POFUT2: variants seen among roughly 807,000 people sequenced by gnomAD.
POFUT2 encodes GDP-fucose protein O-fucosyltransferase 2.
A neutral mutation model predicts 55.0 loss-of-function variants in POFUT2; 30 were observed. The ratio of observed to expected loss-of-function variants is 0.55; its 90% confidence interval spans 0.41 to 0.74. POFUT2 has a LOEUF of 0.74. Among genes scored for constraint, POFUT2 ranks in the 30% least tolerant of loss-of-function variants. The pLI, the probability that POFUT2 is intolerant of heterozygous loss-of-function variation, is 0.00. For synonymous variants in POFUT2, 267 were observed against 231.1 expected, an observed-to-expected ratio of 1.16 and a Z score of -1.41; for missense variants, 524 against 562.6, an observed-to-expected ratio of 0.93 and a Z score of 0.69.
chr21:45,283,755 A>G (rs2031055028), intron 2 of POFUT2, among the ~76,000 whole-genome samples: 1 of 152,040 alleles, frequency 6.6e-6, no homozygotes, highest in East Asian at 1.9e-4. Context: ...CTGGTACCCG[A>G]TTCCCCGGCC....
chr21:45,278,303 C>T (rs148092522), intron 4 of POFUT2, 134 bp from the exon 5 acceptor site: 14 of 771,546 alleles, frequency 1.8e-5, no homozygotes, highest in East Asian at 1.2e-4. Flanking sequence ...CTAACCAGGG[C>T]GCGTTGGGTG....
At chr21:45,271,611 A>G (rs888153428) in intron 6 of POFUT2, among the ~76,000 whole-genome samples, 2 of 152,228 alleles carry the variant, frequency 1.3e-5, no homozygotes, top group African/African-American at 4.8e-5. Flanking sequence ...GGTTATCTAA[A>G]GTCAAGATGA....
rs912978272 is a variant in POFUT2 at position 45,267,054 on chromosome 21, G to A, written c.1136+536C>T. On this transcript the variant is annotated intron_variant, in intron 8 of 8. Coordinates refer to ENST00000349485, the MANE Select transcript of POFUT2 (RefSeq NM_133635.6). This position sits in a 1 kb window ranked among gnomAD's most constrained non-coding sequence, Gnocchi z 4.4. ...GGCAGCCCCACGAGAATGATCACAC[G>A]AGGGCCCACGCTCCCGGCCTCGGGG... 27 of 1,097,148 alleles carry A rather than the reference G, an allele frequency of 2.5e-5. No individual in the cohort carries two copies. The African/African-American group carries it at 2.5e-4, about 10-fold the overall frequency. 68.0% of individuals were successfully genotyped at this position (1,097,148 alleles called of 1,614,324 possible). A position where few individuals can be genotyped will look rare whatever the true frequency, so the allele number is the denominator to read the frequency against.
chr21:45,269,597 G>C (rs575143418), intron 7 of POFUT2, among the ~76,000 whole-genome samples: 142 of 151,700 alleles, frequency 9.4e-4, no homozygotes, highest in African/African-American at 2.2e-3. Context: ...CAGCATGCTC[G>C]TTAAGAGTCA....
chr21:45,285,390 GGCC>G lies in POFUT2; in HGVS notation c.382+285_382+287del. On this transcript the variant is annotated intron_variant, in intron 2 of 8. Transcript: ENST00000349485. This position sits in a 1 kb window ranked among gnomAD's most constrained non-coding sequence, Gnocchi z 4.9. ...TCCTGTCACTATAACACCCAGGGGT[GGCC>G]GCTTTCTTAGGGTGTAAGGGCGGCT... 2.3e-6 allele frequency: 1 copy of G among 427,268 alleles called. No homozygotes were observed. Among genetic ancestry groups the G allele is most frequent in the East Asian group, 5.1e-5 (1 of 19,460 alleles). 26.5% of individuals were successfully genotyped at this position (427,268 alleles called of 1,614,324 possible).
At chr21:45,286,357 T>C (rs2031406704) in intron 1 of POFUT2, among the ~76,000 whole-genome samples, 1 of 152,202 alleles carries the variant, frequency 6.6e-6, no homozygotes, top group Non-Finnish European at 1.5e-5. Flanking sequence ...CCATTACATG[T>C]TAACAAAAAC....
At position 45,281,083 on chromosome 21, in the gene POFUT2, G is replaced by A. The variant is rs1302567044; in HGVS notation, c.638+1266C>T. On this transcript the variant is annotated intron_variant, in intron 4 of 8. Coordinates refer to ENST00000349485, the MANE Select transcript of POFUT2 (RefSeq NM_133635.6). This position sits in a 1 kb window ranked among gnomAD's most constrained non-coding sequence, Gnocchi z 5.0. ...CCTTCCCATTAGGGCTTTAACCCCC[G>A]GAAGAGACTTTCCCTGGGTGCTGGG... Among the ~76,000 whole-genome samples the A allele has an allele frequency of 4.6e-5, 7 of 152,110 alleles. No individual in the cohort carries two copies. The highest frequency in any genetic ancestry group is 2.1e-4 in the South Asian group (1 of 4,824).
chr21:45,283,712 G>A (rs1046298979), intron 2 of POFUT2, among the ~76,000 whole-genome samples, 185 bp from the exon 3 acceptor site: 7 of 152,166 alleles, frequency 4.6e-5, no homozygotes, highest in South Asian at 2.1e-4. Context: ...GGCCATCAGC[G>A]TGCAACTGCA....
chr21:45,265,388 G>T lies in POFUT2; in HGVS notation c.*94C>A. 1.7e-6 allele frequency: 2 copies of T among 1,199,716 alleles called. No homozygotes were observed. The highest frequency in any genetic ancestry group is 2.4e-6 in the Non-Finnish European group (2 of 845,128). The allele number at this position is 1,199,716 out of a possible 1,614,324, so 74.3% of individuals were successfully genotyped here. On this transcript the variant is annotated 3_prime_UTR_variant, in exon 9 of 9. Coordinates refer to ENST00000349485, the MANE Select transcript of POFUT2 (RefSeq NM_133635.6). This position sits in a 1 kb window ranked among gnomAD's most constrained non-coding sequence, Gnocchi z 4.6. ...TGCGAGGGACGGTCCTGTCCGCCCA[G>T]CTCCCGGCTGGCAGTAGACGGTGAC...
At chr21:45,286,760 G>T (rs1209005585) in intron 1 of POFUT2, among the ~76,000 whole-genome samples, 1 of 152,244 alleles carries the variant, frequency 6.6e-6, no homozygotes, top group Non-Finnish European at 1.5e-5. Context: ...CTCTGCGCTG[G>T]TTTTCCATAC....
At position 45,269,995 on chromosome 21, in the gene POFUT2, C is replaced by G. The variant is rs1398141722; in HGVS notation, c.856G>C (p.Gly286Arg). 6.4e-7 allele frequency: 1 copy of G among 1,561,712 alleles called. No homozygotes were observed. The highest frequency in any genetic ancestry group is 8.6e-7 in the Non-Finnish European group (1 of 1,160,104). ...CTCAGGTGGACTCCCAGGTAGGGGC[C>G]CCCTAGCGCGGAGCCCAGCTTGACC... ...MKVKLGSALG[G>R]PYLGVHLRRK... The change falls in exon 7 of 9, where the codon GGC becomes CGC. Residue 286 changes from glycine to arginine, a missense_variant. Around this residue, in one of 2 missense-constraint regions of POFUT2, gnomAD observed 250 missense variants for 318.2 expected, o/e 0.79. Coordinates refer to ENST00000349485, the MANE Select transcript of POFUT2 (RefSeq NM_133635.6).
At chr21:45,283,550 A>G in intron 2 of POFUT2, 23 bp from the exon 3 acceptor site, 1 of 1,612,686 alleles carries the variant, frequency 6.2e-7, no homozygotes, top group South Asian at 1.1e-5. Flanking sequence ...AAGAAAAGCC[A>G]GGCAGTGTGA....
chr21:45,275,629 C>T (rs1236328635), intron 6 of POFUT2, among the ~76,000 whole-genome samples: 1 of 152,148 alleles, frequency 6.6e-6, no homozygotes, highest in African/African-American at 2.4e-5. Context: ...GACCATTATT[C>T]TAAGTGAAGT....
intron 8 of POFUT2, chr21:45,266,754 C>G: frequency 1.0e-6 from 1 of 996,848 alleles, no homozygotes; most frequent in Non-Finnish European, 1.2e-6. Context: ...GAAGAGGCAC[C>G]GGCTCAGGGC....
intron 8 of POFUT2, chr21:45,266,901 G>T: frequency 2.0e-6 from 2 of 1,014,348 alleles, no homozygotes; most frequent in Non-Finnish European, 2.4e-6. Context: ...CCTAACCCCA[G>T]CCTTCATCTC....
intron 6 of POFUT2, among the ~76,000 whole-genome samples, chr21:45,276,352 C>T (rs2093263916): frequency 6.6e-6 from 1 of 151,640 alleles, no homozygotes; most frequent in Non-Finnish European, 1.5e-5. Flanking sequence ...ATTGCTGGAA[C>T]AATGAATGCT....
intron 6 of POFUT2, among the ~76,000 whole-genome samples, chr21:45,276,137 T>C (rs999224343): frequency 1.3e-5 from 2 of 151,920 alleles, no homozygotes; most frequent in Admixed American, 6.6e-5. Context: ...TGCAGTGAGC[T>C]GAGATCGTGT....
In POFUT2 at chr21:45,282,232, G is replaced by C. The variant is rs1569231139; in HGVS notation, c.638+117C>G. The C allele has an allele frequency of 7.0e-6, 5 of 716,236 alleles. No individual in the cohort carries two copies. The highest frequency in any genetic ancestry group is 1.2e-5 in the Non-Finnish European group (5 of 414,096). 44.4% of individuals were successfully genotyped at this position (716,236 alleles called of 1,614,324 possible). ...CCCCCCAGGGCCCCCAGGGTCCGCT[G>C]TCTGTGAGGTGGGTGGGCCAGGGAT... is the stretch of plus-strand genomic sequence containing the variant. On this transcript the variant is annotated intron_variant, in intron 4 of 8. Transcript: ENST00000349485. This position sits in a 1 kb window ranked among gnomAD's most constrained non-coding sequence, Gnocchi z 4.6.
chr21:45,282,748 G>T lies in POFUT2; in HGVS notation c.528-289C>A. On this transcript the variant is annotated intron_variant, in intron 3 of 8. Coordinates refer to ENST00000349485, the MANE Select transcript of POFUT2 (RefSeq NM_133635.6). The surrounding 1 kb of genome is among the most constrained non-coding windows in gnomAD (Gnocchi z 4.6). The stretch of plus-strand genomic sequence containing the variant: ...CAGAGGCAGCCCTGTGCACCTTCAG[G>T]GCCAGCCTGGCTGTGACCGTCAGCC... The T allele has an allele frequency of 1.9e-6, 1 of 533,208 alleles. No homozygotes were observed. The highest frequency in any genetic ancestry group is 1.9e-5 in the African/African-American group (1 of 52,852). 33.0% of individuals were successfully genotyped at this position (533,208 alleles called of 1,614,324 possible).
Sources: allele counts gnomAD v4.1 joint callset (sites outside exome capture counted in the v4.1 genomes callset), GRCh38; gene constraint gnomAD v4.1.1; regional missense constraint gnomAD v4.1.1; non-coding constraint Gnocchi (gnomAD v3.1); transcripts MANE v1.5; gene names NCBI Gene and HGNC (gene_info 2026-07-23, HGNC 2026-07-21).